Variants in PLCH2 observed in about 807,000 individuals in gnomAD.
PLCH2 encodes phospholipase C eta 2, also known as 1-phosphatidylinositol 4,5-bisphosphate phosphodiesterase eta-2.
PLCH2 carries 98 observed loss-of-function variants against 134.7 expected under a neutral mutation model. The ratio of observed to expected loss-of-function variants is 0.73; its 90% CI spans 0.62 to 0.86. The LOEUF (loss-of-function observed/expected upper bound fraction) is 0.86, where lower values mean the gene tolerates loss of function less well. Ranked by LOEUF, PLCH2 falls within the 40% of genes least tolerant of loss-of-function variation. The pLI, the probability that PLCH2 is intolerant of heterozygous loss-of-function variation, is 0.00. For missense variants in PLCH2, 1,994 were observed against 1,986.6 expected (o/e 1.00, Z -0.07); for synonymous variants, 974 against 827.5 (o/e 1.18, Z -3.04).
chr1:2,481,150 C>T (rs1374596826), intron 4 of PLCH2, among the ~76,000 whole-genome samples: 2 of 152,132 alleles, frequency 1.3e-5, no homozygotes, highest in Non-Finnish European at 2.9e-5. Flanking sequence ...TGTCCAGCCC[C>T]TGCCAGCTCC....
In PLCH2 at chr1:2,502,382, G is replaced by C. The variant is rs940215521; in HGVS notation, c.2932G>C (p.Glu978Gln). ...ACCTGCTCCGGAAGCCCCAGCCCAGGAGGGGCCCGGCAGCGGCAGCCCCCG... is the reference window on the plus strand; with the variant it reads ...ACCTGCTCCGGAAGCCCCAGCCCAGCAGGGGCCCGGCAGCGGCAGCCCCCG... ...PGPAPEAPAQ[E>Q]GPGSGSPRDT... is the part of the protein sequence containing the mutation. The change falls in exon 21 of 22, where the codon GAG (glutamate) becomes CAG (glutamine). Residue 978 changes from glutamate (E) to glutamine (Q), a missense_variant. Coordinates refer to ENST00000378486, the MANE Select transcript of PLCH2 (RefSeq NM_014638.4). 79 of 1,543,722 alleles carry C rather than the reference G, an allele frequency of 5.1e-5. No homozygotes were observed. The highest frequency in any genetic ancestry group is 6.5e-5 in the Non-Finnish European group (75 of 1,145,674).
rs1266604177 is a variant in PLCH2, at chr1:2,496,886, G to A, written c.1992G>A (p.Gln664=). Reference sequence around the variant, plus strand: ...AGACCAAGGCCCACCAGATTCTGCAGCAGAAGCCGGCGCAGTACCTACGCT... The same window carrying A: ...AGACCAAGGCCCACCAGATTCTGCAACAGAAGCCGGCGCAGTACCTACGCT... The part of the protein sequence containing the change: ...FSETKAHQIL[Q]QKPAQYLRFN... Residue 664 remains glutamine (Q), a synonymous_variant, in exon 15 of 22, where the codon CAG becomes CAA. Coordinates refer to ENST00000378486, the MANE Select transcript of PLCH2 (RefSeq NM_014638.4). 2.5e-6 allele frequency: 4 copies of A among 1,612,910 alleles called. No individual in the cohort carries two copies. The highest frequency in any genetic ancestry group is 3.4e-6 in the Non-Finnish European group (4 of 1,179,864).
intron 19 of PLCH2, 30 bp from the exon 20 acceptor site, chr1:2,499,611 T>C: frequency 6.5e-7 from 1 of 1,545,056 alleles, no homozygotes; most frequent in Non-Finnish European, 8.8e-7. Flanking sequence ...GGCTGTGACC[T>C]CATGACCCTG....
Position 2,504,785 on chromosome 1 carries a change from A to G in PLCH2, c.3823A>G (p.Arg1275Gly). 6.2e-7 allele frequency: 1 copy of G among 1,612,128 alleles called. No individual in the cohort carries two copies. The highest frequency in any genetic ancestry group is 8.5e-7 in the Non-Finnish European group (1 of 1,179,708). Reference protein sequence around the residue: ...FAPSFEGGSRRLSHSLGLPGG... With the variant: ...FAPSFEGGSRGLSHSLGLPGG... Reference sequence around the variant, plus strand: ...CCCTAGCTTTGAGGGCGGCTCCCGCAGACTGAGCCACAGCCTGGGCCTCCC... The same window carrying G: ...CCCTAGCTTTGAGGGCGGCTCCCGCGGACTGAGCCACAGCCTGGGCCTCCC... The change falls in exon 22 of 22, where the codon AGA becomes GGA. Residue 1275 changes from arginine to glycine, a missense_variant. Transcript: ENST00000378486.
chr1:2,436,441 C>CTCCACCTTTCCTCCTTTCTCCCTCCACCT (rs1639395700), intron 2 of PLCH2, among the ~76,000 whole-genome samples: 1 of 26,524 alleles, frequency 3.8e-5, no homozygotes, highest in Non-Finnish European at 6.2e-5. Context: ...TCCCTCCTCC[C>CTCCACCTTTCCTCCTTTCTCCCTCCACCT]TTCCTCCCTT....
At chr1:2,503,818 G>A (rs957033323) in intron 21 of PLCH2, 104 bp from the exon 22 acceptor site, 14 of 624,184 alleles carry the variant, frequency 2.2e-5, no homozygotes, top group South Asian at 7.2e-5. Flanking sequence ...ACAGGGCACC[G>A]GGGACACCAC....
At chr1:2,499,339 C>A in intron 19 of PLCH2, 109 bp downstream of exon 19, 1 of 1,301,906 alleles carries the variant, frequency 7.7e-7, no homozygotes, top group East Asian at 2.5e-5. Context: ...CTGCACCTGG[C>A]ACCAAAGAGA....
At position 2,504,531 on chromosome 1, in the gene PLCH2, C is replaced by A; in HGVS notation, c.3569C>A (p.Ala1190Asp). Residue 1190 changes from alanine (A) to aspartate (D), a missense_variant, in exon 22 of 22, where the codon GCC becomes GAC. By Grantham distance (126) the Ala-to-Asp change is moderately radical. Coordinates refer to ENST00000378486, the MANE Select transcript of PLCH2 (RefSeq NM_014638.4). ...CCCAGGCCCCACTCGGCTTCGGCTG[C>A]CCGCCCAGACCTGCCACCTGTGACC... is the stretch of plus-strand genomic sequence containing the variant. ...LPPRPHSASAARPDLPPVTKS... is the reference protein window; with the variant it reads ...LPPRPHSASADRPDLPPVTKS... The A allele has an allele frequency of 6.2e-7, 1 of 1,612,552 alleles. No homozygotes were observed. The highest frequency in any genetic ancestry group is 1.1e-5 in the South Asian group (1 of 91,072).
chr1:2,437,703 G>T (rs1289077226), intron 2 of PLCH2, among the ~76,000 whole-genome samples: 1 of 152,250 alleles, frequency 6.6e-6, no homozygotes, highest in South Asian at 2.1e-4. Context: ...CACACACGAA[G>T]GCACACACAT....
intron 2 of PLCH2, among the ~76,000 whole-genome samples, chr1:2,461,723 G>A (rs1640811050): frequency 2.0e-5 from 3 of 152,148 alleles, no homozygotes; most frequent in South Asian, 2.1e-4. Flanking sequence ...TTTCTTCTGC[G>A]CCTCTGCCTT....
At chr1:2,464,500 G>A (rs540782658), upstream of PLCH2, among the ~76,000 whole-genome samples, 13 of 152,338 alleles carry the variant, frequency 8.5e-5, no homozygotes, top group South Asian at 2.1e-4. Flanking sequence ...TGGGCTGGCC[G>A]TGTCTTCCTG....
chr1:2,461,744 A>G (rs1395764507), intron 2 of PLCH2, among the ~76,000 whole-genome samples: 1 of 152,068 alleles, frequency 6.6e-6, no homozygotes, highest in African/African-American at 2.4e-5. Flanking sequence ...GGCATTAACA[A>G]TGTTCCCTTT....
In PLCH2 at chr1:2,484,435, C is replaced by G. The variant is rs748149740; in HGVS notation, c.646-13C>G. On this transcript the variant is annotated splice_polypyrimidine_tract_variant and intron_variant, in intron 4 of 21. Coordinates refer to ENST00000378486, the MANE Select transcript of PLCH2 (RefSeq NM_014638.4). ...TCGAGGTGCCAATGGGGACCCAAGG[C>G]CTTGCATTGCAGGAAGCGGACACGG... The G allele has an allele frequency of 1.9e-6, 3 of 1,612,714 alleles. No homozygotes were observed. Among genetic ancestry groups the G allele is most frequent in the Admixed American group, 1.7e-5 (1 of 59,960 alleles).
At chr1:2,425,690 G>GTTTT (rs74733826), upstream of PLCH2, among the ~76,000 whole-genome samples, 1 of 142,244 alleles carries the variant, frequency 7.0e-6, no homozygotes, top group Non-Finnish European at 1.5e-5. Flanking sequence ...ATTTTGGTGT[G>GTTTT]TTTTTTTTTT....
In PLCH2 at chr1:2,494,953, G is replaced by A. The variant is rs370083186; in HGVS notation, c.1752+5G>A. 1.2e-4 allele frequency: 194 copies of A among 1,577,540 alleles called. No homozygotes were observed. The African/African-American group carries it at 2.3e-3, about 18-fold the overall frequency. On this transcript the variant is annotated splice_donor_5th_base_variant and intron_variant, in intron 12 of 21. Coordinates refer to ENST00000378486, the MANE Select transcript of PLCH2 (RefSeq NM_014638.4). ...GGAAGCTTCTCCAGGCGCAAGGTCCGGCGCAGCTCCCAGGCCAGGGTCCCG... is the reference window on the plus strand; with the variant it reads ...GGAAGCTTCTCCAGGCGCAAGGTCCAGCGCAGCTCCCAGGCCAGGGTCCCG...
intron 20 of PLCH2, 64 bp downstream of exon 20, chr1:2,499,784 C>A (rs915584031): frequency 3.5e-5 from 44 of 1,260,698 alleles, no homozygotes; most frequent in Non-Finnish European, 4.6e-5. Context: ...TTGTCCCATG[C>A]CCCCCCATGT....
chr1:2,502,399 C>A lies in PLCH2; in HGVS notation c.2949C>A (p.Gly983=). 6.5e-7 allele frequency: 1 copy of A among 1,543,440 alleles called. No homozygotes were observed. Among genetic ancestry groups the A allele is most frequent in the Admixed American group, 2.0e-5 (1 of 50,880 alleles). Residue 983 remains glycine (G), a synonymous_variant, in exon 21 of 22, where the codon GGC becomes GGA. Coordinates refer to ENST00000378486, the MANE Select transcript of PLCH2 (RefSeq NM_014638.4). ...EAPAQEGPGS[G]SPRDTRPLST... ...CAGCCCAGGAGGGGCCCGGCAGCGG[C>A]AGCCCCCGAGGTAAGGCGCCAGCTG...
At chr1:2,502,990 G>A (rs1448405816) in intron 21 of PLCH2, 4 of 716,362 alleles carry the variant, frequency 5.6e-6, no homozygotes, top group Non-Finnish European at 1.0e-5. Flanking sequence ...CTGCTTCTGC[G>A]TGGACGGTGT....
intron 2 of PLCH2, among the ~76,000 whole-genome samples, chr1:2,446,086 C>T (rs4582732): frequency 0.12 from 18,057 of 152,212 alleles, 1,173 homozygotes; most frequent in African/African-American, 0.16. Flanking sequence ...GCTGCCTGGC[C>T]GGGCTTCCAC....
Sources: allele counts gnomAD v4.1 joint callset (sites outside exome capture counted in the v4.1 genomes callset), GRCh38; gene constraint gnomAD v4.1.1; transcripts MANE v1.5; gene names NCBI Gene and HGNC (gene_info 2026-07-23, HGNC 2026-07-21).